GALNT17: variants seen among roughly 807,000 people sequenced by gnomAD.
The protein encoded by GALNT17 is polypeptide N-acetylgalactosaminyltransferase 17.
In GALNT17, 29 loss-of-function variants were observed where a neutral mutation model predicts 63.7. The ratio of observed to expected loss-of-function variants is 0.46; its 90% CI spans 0.34 to 0.62. The LOEUF is 0.62. Among genes scored for constraint, GALNT17 ranks in the 20% least tolerant of loss-of-function variants. The probability of loss-of-function intolerance (pLI) is 0.01; values close to 1 mark genes in which losing one functional copy is unlikely to be tolerated. For synonymous variants in GALNT17, 305 were observed against 318.3 expected (o/e 0.96, Z 0.45); for missense variants, 603 against 799.6 (o/e 0.75, Z 2.97).
At chr7:71,190,194 C>T (rs2116335849) in intron 1 of GALNT17, among the ~76,000 whole-genome samples, 1 of 152,254 alleles carries the variant, frequency 6.6e-6, no homozygotes, top group East Asian at 1.9e-4. Flanking sequence ...AAAAGTTGCA[C>T]AAGATGGGCT....
At chr7:71,154,938 A>G (rs1788206799) in intron 1 of GALNT17, among the ~76,000 whole-genome samples, 1 of 151,864 alleles carries the variant, frequency 6.6e-6, no homozygotes, top group Non-Finnish European at 1.5e-5. Flanking sequence ...AAGATTTTAT[A>G]TATAAAAGTG....
At chr7:71,703,299 G>A (rs1791678104) in intron 9 of GALNT17, among the ~76,000 whole-genome samples, 1 of 152,194 alleles carries the variant, frequency 6.6e-6, no homozygotes, top group Non-Finnish European at 1.5e-5. Context: ...TACAACATCT[G>A]CTCAGCTTCT....
intron 1 of GALNT17, among the ~76,000 whole-genome samples, chr7:71,201,856 T>C (rs893508454): frequency 1.2e-4 from 18 of 152,032 alleles, no homozygotes; most frequent in African/African-American, 4.3e-4. Context: ...TGGTCTCAAT[T>C]TCTTGACCTC....
At chr7:71,273,313 A>G (rs1007474208) in intron 1 of GALNT17, among the ~76,000 whole-genome samples, 28 of 152,356 alleles carry the variant, frequency 1.8e-4, no homozygotes, top group African/African-American at 6.7e-4. Context: ...ACATAAAAAC[A>G]GTTGTTTATA....
intron 6 of GALNT17, among the ~76,000 whole-genome samples, chr7:71,625,503 T>C (rs901717643): frequency 6.6e-6 from 1 of 152,114 alleles, no homozygotes; most frequent in Non-Finnish European, 1.5e-5. Context: ...TAGAGATGTA[T>C]GTTTTCTCCT....
chr7:71,602,801 A>T (rs547618404), intron 6 of GALNT17, among the ~76,000 whole-genome samples: 1 of 152,168 alleles, frequency 6.6e-6, no homozygotes, highest in African/African-American at 2.4e-5. Flanking sequence ...AAGACACTCA[A>T]CTCCTTCACT....
At chr7:71,416,167 C>T in intron 4 of GALNT17, 104 bp downstream of exon 4, 1 of 1,318,732 alleles carries the variant, frequency 7.6e-7, no homozygotes, top group Non-Finnish European at 1.0e-6. Flanking sequence ...TGTAGTGGCA[C>T]TGGGAGACTA....
chr7:71,217,594 T>C (rs1585888887), intron 1 of GALNT17, among the ~76,000 whole-genome samples: 1 of 152,236 alleles, frequency 6.6e-6, no homozygotes, highest in East Asian at 1.9e-4. Context: ...TTTTATTTAT[T>C]TTTAAAGAAG....
intron 6 of GALNT17, among the ~76,000 whole-genome samples, chr7:71,632,949 CA>C (rs1222535464): frequency 6.6e-6 from 1 of 151,536 alleles, no homozygotes; most frequent in Non-Finnish European, 1.5e-5. Context: ...ACTAAAAATA[CA>C]AAAACTAGCT....
At position 71,333,725 on chromosome 7, in the gene GALNT17, T is replaced by C. The variant is rs371619334; in HGVS notation, c.239-1825T>C. Among the ~76,000 whole-genome samples the C allele has an allele frequency of 1.0e-3, 156 of 152,218 alleles. 1 individual carries two copies. The highest frequency in any genetic ancestry group is 3.4e-3 in the Middle Eastern group (1 of 294). ...CATGTTGGCCAGGCTGGTCTCGAAC[T>C]CCTCAGGTGATCACCTCAGCCTCCC... On this transcript the variant is annotated intron_variant, in intron 1 of 10. Coordinates refer to ENST00000333538, the MANE Select transcript of GALNT17 (RefSeq NM_022479.3).
intron 6 of GALNT17, among the ~76,000 whole-genome samples, chr7:71,622,019 A>G (rs780693529): frequency 6.6e-6 from 1 of 152,172 alleles, no homozygotes; most frequent in Non-Finnish European, 1.5e-5. Flanking sequence ...ACCTTACACC[A>G]TAATCTACCC....
intron 5 of GALNT17, among the ~76,000 whole-genome samples, chr7:71,539,966 T>C (rs1057373787): frequency 1.3e-5 from 2 of 151,308 alleles, no homozygotes; most frequent in African/African-American, 2.4e-5. Flanking sequence ...AATTTTTAAG[T>C]TTTTCTTTGT....
At chr7:71,701,906 T>TACAG in intron 9 of GALNT17, among the ~76,000 whole-genome samples, 1 of 128,758 alleles carries the variant, frequency 7.8e-6, no homozygotes, top group Non-Finnish European at 1.6e-5. Context: ...CACATATATA[T>TACAG]ATATACATAT....
chr7:71,704,369 G>A (rs1407723339), intron 9 of GALNT17, among the ~76,000 whole-genome samples: 1 of 152,010 alleles, frequency 6.6e-6, no homozygotes, highest in East Asian at 1.9e-4. Context: ...AGAAATTAAA[G>A]ATCTAAGTAA....
intron 2 of GALNT17, among the ~76,000 whole-genome samples, chr7:71,380,346 T>C (rs1279499456): frequency 6.6e-6 from 1 of 152,084 alleles, no homozygotes; most frequent in Non-Finnish European, 1.5e-5. Context: ...ATTATTATTA[T>C]TATTTTTGAA....
intron 9 of GALNT17, among the ~76,000 whole-genome samples, chr7:71,694,411 G>GTCACT (rs1791509481): frequency 7.0e-6 from 1 of 143,674 alleles, no homozygotes; most frequent in Non-Finnish European, 1.5e-5. Context: ...AGGCTGAAGT[G>GTCACT]CAGTTGCACA....
At chr7:71,599,860 T>G (rs1789940185) in intron 6 of GALNT17, among the ~76,000 whole-genome samples, 1 of 152,136 alleles carries the variant, frequency 6.6e-6, no homozygotes, top group Non-Finnish European at 1.5e-5. Context: ...ATTGACATTT[T>G]GGGCTAGGTA....
At chr7:71,461,586 T>C (rs1433882826) in intron 5 of GALNT17, among the ~76,000 whole-genome samples, 1 of 152,236 alleles carries the variant, frequency 6.6e-6, no homozygotes, top group East Asian at 1.9e-4. Context: ...TGCACATTAA[T>C]TCAATGTCCT....
chr7:71,348,128 G>A (rs1310855061), intron 2 of GALNT17, among the ~76,000 whole-genome samples: 2 of 152,156 alleles, frequency 1.3e-5, no homozygotes, highest in African/African-American at 4.8e-5. Flanking sequence ...GAGCGTGGTG[G>A]TGGGTGCCTG....
Sources: gnomAD v4.1 joint callset for allele counts (sites outside exome capture counted in the v4.1 genomes callset) on GRCh38, gnomAD v4.1.1 for gene constraint, MANE v1.5 for transcripts, NCBI Gene and HGNC (gene_info 2026-07-23, HGNC 2026-07-21) for gene names.